Variants in ATP13A3 observed in about 807,000 individuals in gnomAD.
The protein encoded by ATP13A3 is ATPase 13A3, also known as polyamine-transporting ATPase 13A3.
ATP13A3 carries 59 observed loss-of-function variants against 158.1 expected under a neutral mutation model. The observed-to-expected ratio is 0.37, with a 90% CI of 0.30 to 0.46. The LOEUF (loss-of-function observed/expected upper bound fraction) is 0.46, where lower values mean the gene tolerates loss of function less well. Ranked by LOEUF, ATP13A3 falls within the 20% of genes least tolerant of loss-of-function variation. The pLI is 1.00. For synonymous variants in ATP13A3, 491 were observed against 504.3 expected (o/e 0.97, Z 0.35); for missense variants, 1,166 against 1,525.2 (o/e 0.76, Z 3.92).
At chr3:194,426,723 A>G (rs1370635656) in intron 29 of ATP13A3, among the ~76,000 whole-genome samples, 1 of 152,106 alleles carries the variant, frequency 6.6e-6, no homozygotes, top group Non-Finnish European at 1.5e-5. Flanking sequence ...TCAAAAAACA[A>G]TCTCTTGGCT....
intron 20 of ATP13A3, among the ~76,000 whole-genome samples, chr3:194,436,680 C>G (rs948067654): frequency 1.3e-5 from 2 of 152,206 alleles, no homozygotes; most frequent in African/African-American, 4.8e-5. Flanking sequence ...GGCAAAAACC[C>G]CTACTAAAAA....
intron 30 of ATP13A3, among the ~76,000 whole-genome samples, chr3:194,420,723 C>T (rs1190347286): frequency 1.3e-5 from 2 of 152,092 alleles, no homozygotes; most frequent in African/African-American, 4.8e-5. Context: ...TGTACATCTA[C>T]ACATATACAC....
chr3:194,407,568 C>G (rs563815801), intron 33 of ATP13A3, among the ~76,000 whole-genome samples: 2 of 152,304 alleles, frequency 1.3e-5, no homozygotes, highest in South Asian at 4.1e-4. Context: ...GCACGGTAAA[C>G]GTGACTCACC....
At chr3:194,449,648 T>C (rs551303205) in intron 11 of ATP13A3, among the ~76,000 whole-genome samples, 1 of 150,498 alleles carries the variant, frequency 6.6e-6, no homozygotes, top group South Asian at 2.1e-4. Context: ...CTGCTCTCCA[T>C]CCTGGGTGAC....
chr3:194,453,322 G>C (rs1300270965), intron 10 of ATP13A3, among the ~76,000 whole-genome samples: 1 of 150,052 alleles, frequency 6.7e-6, no homozygotes, highest in Non-Finnish European at 1.5e-5. Context: ...GCACAGTGCA[G>C]TGGCTCAAAC....
At chr3:194,450,942 G>C (rs1177612728) in intron 10 of ATP13A3, 1 of 152,054 alleles carries the variant, frequency 6.6e-6, no homozygotes, top group African/African-American at 2.4e-5. Context: ...AAAGAAAAAT[G>C]AAAATGAAAA....
chr3:194,469,893 G>A (rs556870799), intron 2 of ATP13A3, among the ~76,000 whole-genome samples: 4 of 152,162 alleles, frequency 2.6e-5, no homozygotes, highest in South Asian at 2.1e-4. Flanking sequence ...GCCCCAATAC[G>A]TTTAAAGCCT....
At chr3:194,412,565 C>T (rs1715521403) in intron 32 of ATP13A3, 2 of 373,696 alleles carry the variant, frequency 5.4e-6, no homozygotes, top group Admixed American at 7.6e-5. Flanking sequence ...TAAAATGATG[C>T]TTATGTAATT....
At chr3:194,418,979 C>A (rs1261120281) in intron 31 of ATP13A3, among the ~76,000 whole-genome samples, 2 of 152,180 alleles carry the variant, frequency 1.3e-5, no homozygotes, top group Non-Finnish European at 2.9e-5. Context: ...TCCTACTCCA[C>A]TCTTTCATAC....
chr3:194,448,706 G>A lies in ATP13A3; in HGVS notation c.971-70C>T, dbSNP rs894785126. On this transcript the variant is annotated intron_variant, in intron 11 of 33. Transcript: ENST00000645319. The surrounding 1 kb of genome is among the most constrained non-coding windows in gnomAD (Gnocchi z 4.0). ...AAACGAAAGCACAGGAATCAGTATC[G>A]AACACCAAAAAATATTAAATTGTTA... The A allele has an allele frequency of 9.2e-6, 13 of 1,411,050 alleles. No individual in the cohort carries two copies. In the African/African-American group the frequency reaches 1.6e-4, roughly 17 times the overall value. The allele number at this position is 1,411,050 out of a possible 1,614,324, so 87.4% of individuals were successfully genotyped here.
chr3:194,446,438 C>G (rs1480486845), intron 14 of ATP13A3, among the ~76,000 whole-genome samples: 1 of 152,236 alleles, frequency 6.6e-6, no homozygotes, highest in Non-Finnish European at 1.5e-5. Context: ...GGCATCCTGT[C>G]TAGGGCTGGT....
chr3:194,453,408 C>T (rs1351196348), intron 10 of ATP13A3, among the ~76,000 whole-genome samples: 1 of 147,386 alleles, frequency 6.8e-6, no homozygotes, highest in Non-Finnish European at 1.5e-5. Context: ...GACTGGGCAA[C>T]ATGGCAAAAC....
Position 194,494,010 on chromosome 3 carries a change from C to A in ATP13A3, n.746+40G>T. 2.5e-6 allele frequency: 1 copy of A among 396,476 alleles called. No homozygotes were observed. Among genetic ancestry groups the A allele is most frequent in the Non-Finnish European group, 4.4e-6 (1 of 225,326 alleles). The allele number at this position is 396,476 out of a possible 1,614,324, so 24.6% of individuals were successfully genotyped here. A position where few individuals can be genotyped will look rare whatever the true frequency, so the allele number is the denominator to read the frequency against. The stretch of plus-strand genomic sequence containing the variant: ...ACAAATTGAGGAAAGCTTAAAAATC[C>A]CATTTTACAGAATGGAAAAAGAGGT... On this transcript the variant is annotated intron_variant and non_coding_transcript_variant, in intron 2 of 32. Coordinates refer to the ATP13A3 transcript ENST00000687055. This position sits in a 1 kb window ranked among gnomAD's most constrained non-coding sequence, Gnocchi z 4.2.
In ATP13A3 at chr3:194,404,077, A is replaced by T; in HGVS notation, c.*1842T>A. On this transcript the variant is annotated 3_prime_UTR_variant, in exon 34 of 34. Coordinates refer to ENST00000645319, the MANE Select transcript of ATP13A3 (RefSeq NM_001367549.1). ...AAATGCACAATTGTGGAAATCACTG[A>T]AGAATAACACGAGCATATTTGAAAT... The T allele has an allele frequency of 2.2e-6, 1 of 450,528 alleles. No individual in the cohort carries two copies. Among genetic ancestry groups the T allele is most frequent in the Non-Finnish European group, 4.4e-6 (1 of 225,264 alleles). The allele number at this position is 450,528 out of a possible 1,614,324, so 27.9% of individuals were successfully genotyped here.
chr3:194,406,944 C>T (rs1007692853), intron 33 of ATP13A3, among the ~76,000 whole-genome samples: 8 of 152,140 alleles, frequency 5.3e-5, no homozygotes, highest in African/African-American at 1.9e-4. Context: ...AGTATTATTT[C>T]ATTGCAAAAA....
At chr3:194,408,842 G>C (rs756732637) in intron 33 of ATP13A3, among the ~76,000 whole-genome samples, 15 of 152,186 alleles carry the variant, frequency 9.9e-5, no homozygotes, top group Non-Finnish European at 2.1e-4. Flanking sequence ...TTCACTGGAA[G>C]AGAAAATAAA....
intron 28 of ATP13A3, 51 bp from the exon 29 acceptor site, chr3:194,427,303 C>G (rs1716858104): frequency 2.7e-6 from 4 of 1,457,852 alleles, no homozygotes; most frequent in Non-Finnish European, 3.7e-6. Context: ...TAATCTATCA[C>G]TATATAAGGC....
chr3:194,442,608 T>C (rs1718128904), intron 15 of ATP13A3, among the ~76,000 whole-genome samples: 1 of 152,032 alleles, frequency 6.6e-6, no homozygotes, highest in African/African-American at 2.4e-5. Context: ...AAACCATGTG[T>C]TGTCCAACAC....
At chr3:194,466,184 A>G (rs1719978738) in intron 2 of ATP13A3, among the ~76,000 whole-genome samples, 1 of 152,174 alleles carries the variant, frequency 6.6e-6, no homozygotes, top group African/African-American at 2.4e-5. Context: ...CACCTTAAGA[A>G]AAGCAGAGAA....
Sources: allele counts gnomAD v4.1 joint callset (sites outside exome capture counted in the v4.1 genomes callset), GRCh38; gene constraint gnomAD v4.1.1; non-coding constraint Gnocchi (gnomAD v3.1); transcripts MANE v1.5; gene names NCBI Gene and HGNC (gene_info 2026-07-23, HGNC 2026-07-21).